Variants in STK17A observed in about 807,000 individuals in gnomAD.
The protein encoded by STK17A is serine/threonine-protein kinase 17A.
STK17A carries 26 observed loss-of-function variants against 43.7 expected under a neutral mutation model. That is an observed-to-expected ratio of 0.60 (90% confidence interval 0.44 to 0.83). The LOEUF (loss-of-function observed/expected upper bound fraction) is 0.83, where lower values mean the gene tolerates loss of function less well. Ranked by LOEUF, STK17A falls within the 40% of genes least tolerant of loss-of-function variation. The pLI is 0.00. For synonymous variants in STK17A, 191 were observed against 182.5 expected, an observed-to-expected ratio of 1.05 and a Z score of -0.38; for missense variants, 476 against 511.6, an observed-to-expected ratio of 0.93 and a Z score of 0.67.
At position 43,624,912 on chromosome 7, in the gene STK17A, C is replaced by A; in HGVS notation, c.*70C>A. 7.6e-7 allele frequency: 1 copy of A among 1,309,618 alleles called. No homozygotes were observed. Among genetic ancestry groups the A allele is most frequent in the Non-Finnish European group, 1.0e-6 (1 of 954,618 alleles). 81.1% of individuals were successfully genotyped at this position (1,309,618 alleles called of 1,614,324 possible). On this transcript the variant is annotated 3_prime_UTR_variant, in exon 7 of 7. Transcript: ENST00000319357. ...TTAATATTATTTATGGACCTCTGGC[C>A]AAATGGTACATGTACTGGAAGTGGA...
intron 1 of STK17A, among the ~76,000 whole-genome samples, chr7:43,585,063 G>C (rs750720117): frequency 4.6e-5 from 7 of 152,110 alleles, no homozygotes; most frequent in Non-Finnish European, 1.0e-4. Flanking sequence ...TGGGCCTGGT[G>C]GTGGGCGCCT....
At chr7:43,590,397 A>G (rs938633160) in intron 1 of STK17A, among the ~76,000 whole-genome samples, 5 of 151,306 alleles carry the variant, frequency 3.3e-5, no homozygotes, top group African/African-American at 9.7e-5. Context: ...AATGCAAAGG[A>G]CTTAGGGAGC....
intron 2 of STK17A, among the ~76,000 whole-genome samples, chr7:43,597,308 T>C (rs1233739579): frequency 7.1e-6 from 1 of 140,578 alleles, no homozygotes; most frequent in African/African-American, 2.5e-5. Context: ...AATATAATTA[T>C]GGAAAAAAAA....
chr7:43,599,828 A>G (rs374008141), intron 2 of STK17A, among the ~76,000 whole-genome samples: 1 of 152,160 alleles, frequency 6.6e-6, no homozygotes, highest in South Asian at 2.1e-4. Flanking sequence ...AATCCAGGCC[A>G]AAAGCCTCAG....
rs530120629 is a variant in STK17A, at chr7:43,622,639, G to A, written c.692-933G>A. The A allele has an allele frequency of 2.0e-5, 3 of 151,622 alleles. No homozygotes were observed. In the East Asian group the frequency reaches 5.8e-4, roughly 29 times the overall value. 9.4% of individuals were successfully genotyped at this position (151,622 alleles called of 1,614,324 possible). On this transcript the variant is annotated intron_variant, in intron 4 of 6. Transcript: ENST00000319357. ...ATTTTTCCTGAATCCTTGCATATTT[G>A]ACAGTGTCTTTCTATTGTGTTTATG...
At chr7:43,608,117 A>AT (rs975222853) in intron 2 of STK17A, 139 bp from the exon 3 acceptor site, 21 of 861,964 alleles carry the variant, frequency 2.4e-5, no homozygotes, top group Non-Finnish European at 3.2e-5. Context: ...TCCCATCTCT[A>AT]TTTTTCAAAA....
At chr7:43,592,478 A>ATATTAAAAATCTAAAAG (rs1212467814) in intron 1 of STK17A, among the ~76,000 whole-genome samples, 1 of 142,794 alleles carries the variant, frequency 7.0e-6, no homozygotes, top group Non-Finnish European at 1.6e-5. Context: ...ATTTGCAGTT[A>ATATTAAAAATCTAAAAG]ACAATAGCTG....
At chr7:43,597,411 G>T (rs1418788109) in intron 2 of STK17A, among the ~76,000 whole-genome samples, 1 of 150,908 alleles carries the variant, frequency 6.6e-6, no homozygotes, top group Non-Finnish European at 1.5e-5. Flanking sequence ...TTTTTGAGAT[G>T]GATTTTCACT....
chr7:43,599,151 A>G (rs76027634), intron 2 of STK17A, among the ~76,000 whole-genome samples: 1,569 of 152,328 alleles, frequency 0.01, 29 homozygotes, highest in African/African-American at 0.036. Context: ...AATGAATTAG[A>G]ACTCTCCTCA....
chr7:43,618,548 AC>A (rs1239110578), intron 3 of STK17A, among the ~76,000 whole-genome samples: 2 of 152,166 alleles, frequency 1.3e-5, no homozygotes, highest in African/African-American at 4.8e-5. Flanking sequence ...TTCTCAGCTT[AC>A]CTTTGGAAAT....
chr7:43,598,244 G>A (rs905967734), intron 2 of STK17A, among the ~76,000 whole-genome samples: 1 of 152,112 alleles, frequency 6.6e-6, no homozygotes, highest in African/African-American at 2.4e-5. Context: ...GCCGAGGCAG[G>A]TGGATCACGA....
At chr7:43,588,511 TAAGG>T (rs1427412697) in intron 1 of STK17A, among the ~76,000 whole-genome samples, 5 of 151,548 alleles carry the variant, frequency 3.3e-5, no homozygotes, top group African/African-American at 7.3e-5. Flanking sequence ...CTTTCAGCGA[TAAGG>T]AAGACAAAAT....
Position 43,613,644 on chromosome 7 carries a change from A to G in STK17A, c.564+5244A>G, listed in dbSNP as rs2083076604. 2.0e-5 allele frequency among the ~76,000 whole-genome samples: 3 copies of G among 152,084 alleles called. No homozygotes were observed. In the South Asian group the frequency reaches 6.2e-4, roughly 32 times the overall value. On this transcript the variant is annotated intron_variant, in intron 3 of 6. Coordinates refer to ENST00000319357, the MANE Select transcript of STK17A (RefSeq NM_004760.3). The stretch of plus-strand genomic sequence containing the variant: ...GACCACATGAGCCCAGGAGTTTGAG[A>G]CCAGCCCAGGCAACATAGTGAGACC...
intron 3 of STK17A, among the ~76,000 whole-genome samples, chr7:43,614,069 T>C (rs2083120418): frequency 6.6e-6 from 1 of 152,290 alleles, no homozygotes; most frequent in African/African-American, 2.4e-5. Context: ...AGAACTTTAA[T>C]TGTCTGATAA....
intron 2 of STK17A, among the ~76,000 whole-genome samples, chr7:43,601,985 C>A (rs1396746047): frequency 6.6e-6 from 1 of 152,014 alleles, no homozygotes; most frequent in Admixed American, 6.6e-5. Context: ...CCTTTTCTCC[C>A]CCATATGGAG....
chr7:43,624,510 C>T lies in STK17A; in HGVS notation c.921-8C>T, dbSNP rs199661587. The T allele has an allele frequency of 1.2e-5, 19 of 1,605,438 alleles. No homozygotes were observed. Among genetic ancestry groups the T allele is most frequent in the Non-Finnish European group, 1.4e-5 (16 of 1,175,888 alleles). Reference sequence around the variant, plus strand: ...CATGTCTTAACTGTAAAACATGTATCTTTACAGAGATCGAGCCACTGCTGA... The same window carrying T: ...CATGTCTTAACTGTAAAACATGTATTTTTACAGAGATCGAGCCACTGCTGA... On this transcript the variant is annotated splice_region_variant and splice_polypyrimidine_tract_variant and intron_variant, in intron 6 of 6. Coordinates refer to ENST00000319357, the MANE Select transcript of STK17A (RefSeq NM_004760.3).
At chr7:43,617,334 C>G (rs1489799370) in intron 3 of STK17A, among the ~76,000 whole-genome samples, 1 of 152,212 alleles carries the variant, frequency 6.6e-6, no homozygotes, top group African/African-American at 2.4e-5. Flanking sequence ...GTGGGCAAAA[C>G]AGATCCTAGC....
chr7:43,595,914 G>A lies in STK17A; in HGVS notation c.220G>A (p.Val74Met). 6.2e-7 allele frequency: 1 copy of A among 1,613,362 alleles called. No homozygotes were observed. The highest frequency in any genetic ancestry group is 1.1e-5 in the South Asian group (1 of 90,950). ...GTTTAATTCTAGGGGGAAATTTGCAGTGGTGAGAAAATGTATAAAGAAAGA... is the reference window on the plus strand; with the variant it reads ...GTTTAATTCTAGGGGGAAATTTGCAATGGTGAGAAAATGTATAAAGAAAGA... ...GRELGRGKFA[V>M]VRKCIKKDSG... Residue 74 changes from valine (V) to methionine (M), a missense_variant, in exon 2 of 7, where the codon GTG becomes ATG. This residue lies in a region of STK17A where 320 missense variants were observed against 326.3 expected (regional missense o/e 0.98). Coordinates refer to ENST00000319357, the MANE Select transcript of STK17A (RefSeq NM_004760.3).
intron 2 of STK17A, 40 bp from the exon 3 acceptor site, chr7:43,608,216 C>T: frequency 6.4e-7 from 1 of 1,569,198 alleles, no homozygotes; most frequent in Middle Eastern, 1.7e-4. Flanking sequence ...TTCGCCATTT[C>T]TTATGAGTTA....
Sources: allele counts gnomAD v4.1 joint callset (sites outside exome capture counted in the v4.1 genomes callset), GRCh38; gene constraint gnomAD v4.1.1; regional missense constraint gnomAD v4.1.1; transcripts MANE v1.5; gene names NCBI Gene and HGNC (gene_info 2026-07-23, HGNC 2026-07-21).